INPP4B: variants seen among roughly 807,000 people sequenced by gnomAD.
INPP4B encodes the protein inositol polyphosphate 4-phosphatase type II.
Under a neutral mutation model 122.5 loss-of-function variants are expected in INPP4B, and 55 were observed. The ratio of observed to expected loss-of-function variants is 0.45; its 90% CI spans 0.36 to 0.56. The LOEUF (loss-of-function observed/expected upper bound fraction) is 0.56. Among genes scored for constraint, INPP4B ranks in the 20% least tolerant of loss-of-function variants. The probability of loss-of-function intolerance (pLI) is 0.00; values close to 1 mark genes in which losing one functional copy is unlikely to be tolerated. For missense variants in INPP4B, 1,000 were observed against 1,097.7 expected, an observed-to-expected ratio of 0.91 and a Z score of 1.26; for synonymous variants, 403 against 388.7, an observed-to-expected ratio of 1.04 and a Z score of -0.43.
chr4:142,298,139 A>T (rs1759622725), intron 9 of INPP4B, among the ~76,000 whole-genome samples: 1 of 152,196 alleles, frequency 6.6e-6, no homozygotes, highest in Non-Finnish European at 1.5e-5. Flanking sequence ...AGGAAAGAAG[A>T]TTTAGAGTTG....
chr4:142,252,820 T>C (rs1306830088), intron 11 of INPP4B, among the ~76,000 whole-genome samples: 1 of 152,232 alleles, frequency 6.6e-6, no homozygotes, highest in African/African-American at 2.4e-5. Flanking sequence ...CTAGTGTTTC[T>C]TGTTTTGGAT....
At chr4:142,830,895 G>A (rs1471927965) in intron 1 of INPP4B, among the ~76,000 whole-genome samples, 4 of 150,186 alleles carry the variant, frequency 2.7e-5, no homozygotes, top group East Asian at 1.9e-4. Context: ...GGTAGCATAT[G>A]CCTGTAGTCC....
intron 7 of INPP4B, among the ~76,000 whole-genome samples, chr4:142,327,826 CAAAG>C (rs1046386283): frequency 2.6e-4 from 39 of 152,258 alleles, no homozygotes; most frequent in African/African-American, 7.5e-4. Context: ...TAATAATACT[CAAAG>C]AGAAGTTAAC....
intron 1 of INPP4B, among the ~76,000 whole-genome samples, chr4:142,832,531 C>A (rs913845301): frequency 6.6e-6 from 1 of 152,186 alleles, no homozygotes; most frequent in Non-Finnish European, 1.5e-5. Flanking sequence ...CTGGAAGTCA[C>A]CTTCAACTTC....
rs569264805 is a variant in INPP4B at position 142,232,455 on chromosome 4, A to T, written c.836+5409T>A. On this transcript the variant is annotated intron_variant, in intron 12 of 25. Transcript: ENST00000262992. ...CAGTGATCTTTGATATTACTATTGT[A>T]ATTATTTTGGAGTGCCATGAACCAC... is the stretch of plus-strand genomic sequence containing the variant. 1.2e-4 allele frequency among the ~76,000 whole-genome samples: 19 copies of T among 152,192 alleles called. No homozygotes were observed. The South Asian group carries it at 3.9e-3, about 32-fold the overall frequency.
At chr4:142,738,560 G>A (rs1171974190) in intron 1 of INPP4B, among the ~76,000 whole-genome samples, 1 of 151,794 alleles carries the variant, frequency 6.6e-6, no homozygotes, top group East Asian at 1.9e-4. Context: ...GTATACATAT[G>A]TAACAAACCT....
At chr4:142,080,262 A>G (rs1394030496) in intron 25 of INPP4B, among the ~76,000 whole-genome samples, 2 of 152,110 alleles carry the variant, frequency 1.3e-5, no homozygotes, top group African/African-American at 2.4e-5. Flanking sequence ...GTGTTGCCAG[A>G]GCTTGTAAAC....
At chr4:142,736,147 C>T (rs1766852229) in intron 1 of INPP4B, among the ~76,000 whole-genome samples, 1 of 152,108 alleles carries the variant, frequency 6.6e-6, no homozygotes, top group African/African-American at 2.4e-5. Context: ...ATTCCAAGCT[C>T]CACCCCAGAC....
In INPP4B at chr4:142,025,226, G is replaced by A. The variant is rs539988233; in HGVS notation, c.*3556C>T. The A allele has an allele frequency of 7.2e-5, 11 of 152,036 alleles. No homozygotes were observed. The highest frequency in any genetic ancestry group is 5.2e-4 in the Admixed American group (8 of 15,264). 9.4% of individuals were successfully genotyped at this position (152,036 alleles called of 1,614,324 possible). ...CCCACTGTGGACAGTTTCAAGCTAC[G>A]AACACCATGTTACTGAATCTGCAGT... On this transcript the variant is annotated 3_prime_UTR_variant, in exon 26 of 26. Transcript: ENST00000262992.
At chr4:142,070,271 C>G (rs336368) in intron 25 of INPP4B, among the ~76,000 whole-genome samples, 130,612 of 152,184 alleles carry the variant, frequency 0.86, 58,781 homozygotes, top group Non-Finnish European at 0.98. Context: ...AAAATGCCTT[C>G]GACAAAATTC....
chr4:142,492,885 T>A (rs1201662325), intron 2 of INPP4B, among the ~76,000 whole-genome samples: 1 of 152,176 alleles, frequency 6.6e-6, no homozygotes, highest in Non-Finnish European at 1.5e-5. Context: ...CTCAAGGGCA[T>A]GTCAGAGACC....
chr4:142,828,261 T>C (rs1433861399), intron 1 of INPP4B, among the ~76,000 whole-genome samples: 1 of 152,080 alleles, frequency 6.6e-6, no homozygotes, highest in Admixed American at 6.6e-5. Context: ...GAATAGATAT[T>C]AAGGCCTTAA....
intron 2 of INPP4B, among the ~76,000 whole-genome samples, chr4:142,540,912 T>C (rs1253033473): frequency 6.6e-6 from 1 of 152,128 alleles, no homozygotes; most frequent in Non-Finnish European, 1.5e-5. Context: ...CACAAACAAA[T>C]ATATTTTTAT....
intron 1 of INPP4B, among the ~76,000 whole-genome samples, chr4:142,740,103 T>C (rs1260399639): frequency 6.6e-6 from 1 of 152,032 alleles, no homozygotes; most frequent in African/African-American, 2.4e-5. Flanking sequence ...ACTGTCAGTC[T>C]TTGCCTCTAT....
At chr4:142,773,579 T>C (rs564928128) in intron 1 of INPP4B, among the ~76,000 whole-genome samples, 4 of 152,310 alleles carry the variant, frequency 2.6e-5, no homozygotes, top group African/African-American at 7.2e-5. Flanking sequence ...CTGGAAGAGC[T>C]AAAATTTTAA....
chr4:142,482,143 A>G (rs1820635244), intron 2 of INPP4B, among the ~76,000 whole-genome samples: 1 of 152,098 alleles, frequency 6.6e-6, no homozygotes. Context: ...TGGGGGTGGG[A>G]GTCTTCCATT....
At chr4:142,276,760 G>A (rs892349423) in intron 9 of INPP4B, among the ~76,000 whole-genome samples, 6 of 151,816 alleles carry the variant, frequency 4.0e-5, no homozygotes, top group Non-Finnish European at 8.8e-5. Flanking sequence ...TAACTGGCTT[G>A]TAGATTACTG....
chr4:142,036,810 G>C (rs1231482783), intron 25 of INPP4B, among the ~76,000 whole-genome samples: 1 of 152,116 alleles, frequency 6.6e-6, no homozygotes, highest in Non-Finnish European at 1.5e-5. Context: ...GGCCTAGGAG[G>C]CTGCTTCAGA....
intron 5 of INPP4B, among the ~76,000 whole-genome samples, chr4:142,424,871 T>G (rs1497390): frequency 0.32 from 48,483 of 151,816 alleles, 7,812 homozygotes; most frequent in East Asian, 0.36. Flanking sequence ...ATAATTGTGA[T>G]GTGTTTCCAC....
Sources: gnomAD v4.1 joint callset for allele counts (sites outside exome capture counted in the v4.1 genomes callset) on GRCh38, gnomAD v4.1.1 for gene constraint, MANE v1.5 for transcripts, NCBI Gene and HGNC (gene_info 2026-07-23, HGNC 2026-07-21) for gene names.